The following GRM8 variants were observed in gnomAD, a reference collection of about 807,000 sequenced individuals.
The protein encoded by GRM8 is glutamate metabotropic receptor 8.
In GRM8, 47 loss-of-function variants were observed where a neutral mutation model predicts 87.2. That is an observed-to-expected ratio of 0.54 (90% CI 0.43 to 0.69). The LOEUF is 0.69. Ranked by LOEUF, GRM8 falls within the 30% of genes least tolerant of loss-of-function variation. GRM8 has a pLI of 0.00. For synonymous variants in GRM8, 396 were observed against 404.5 expected (o/e 0.98, Z 0.25); for missense variants, 1,019 against 1,139.2 (o/e 0.89, Z 1.52).
At chr7:126,859,999 C>G (rs536879797) in intron 6 of GRM8, among the ~76,000 whole-genome samples, 3,604 of 83,370 alleles carry the variant, frequency 0.043, 152 homozygotes, top group African/African-American at 0.2. Context: ...ATTTAATTCT[C>G]ATATTTATTT....
At chr7:126,752,967 T>C (rs1351911133) in intron 7 of GRM8, among the ~76,000 whole-genome samples, 2 of 152,042 alleles carry the variant, frequency 1.3e-5, no homozygotes, top group East Asian at 1.9e-4. Context: ...AGGACAGGGA[T>C]TGTGGTTTGC....
At chr7:127,176,463 G>A (rs140785571) in intron 2 of GRM8, among the ~76,000 whole-genome samples, 21 of 152,092 alleles carry the variant, frequency 1.4e-4, no homozygotes, top group African/African-American at 4.1e-4. Flanking sequence ...ACTCAAGTGG[G>A]ATCATCATGG....
At chr7:126,782,816 C>A (rs1820224467) in intron 6 of GRM8, among the ~76,000 whole-genome samples, 1 of 152,164 alleles carries the variant, frequency 6.6e-6, no homozygotes, top group South Asian at 2.1e-4. Flanking sequence ...CTGTACAATG[C>A]AGTCAATCCT....
At chr7:127,163,192 G>A (rs1296088100) in intron 2 of GRM8, among the ~76,000 whole-genome samples, 1 of 152,182 alleles carries the variant, frequency 6.6e-6, no homozygotes, top group Non-Finnish European at 1.5e-5. Context: ...TGTACAGGGA[G>A]CATAGACCTG....
intron 9 of GRM8, among the ~76,000 whole-genome samples, chr7:126,459,859 C>T (rs1738090746): frequency 6.6e-6 from 1 of 151,442 alleles, no homozygotes; most frequent in Non-Finnish European, 1.5e-5. Context: ...CCAACTCAGC[C>T]TCAAAGACTC....
At chr7:127,200,732 T>A (rs6956914) in intron 2 of GRM8, among the ~76,000 whole-genome samples, 1 of 152,154 alleles carries the variant, frequency 6.6e-6, no homozygotes, top group African/African-American at 2.4e-5. Context: ...TGTGTGTGTG[T>A]TTTCTCTTCT....
At chr7:126,499,605 A>T (rs1477446455) in intron 9 of GRM8, among the ~76,000 whole-genome samples, 1 of 143,926 alleles carries the variant, frequency 6.9e-6, no homozygotes, top group Non-Finnish European at 1.6e-5. Flanking sequence ...TTCGGCCTTT[A>T]AAAAAAAGGG....
At chr7:126,715,628 CA>C (rs900661230) in intron 7 of GRM8, among the ~76,000 whole-genome samples, 1 of 152,044 alleles carries the variant, frequency 6.6e-6, no homozygotes, top group African/African-American at 2.4e-5. Flanking sequence ...CACAAATCTC[CA>C]AAAAAATTTC....
intron 8 of GRM8, among the ~76,000 whole-genome samples, chr7:126,587,954 T>C (rs1304165955): frequency 6.6e-6 from 1 of 150,470 alleles, no homozygotes; most frequent in Non-Finnish European, 1.5e-5. Flanking sequence ...AAGTTTAAAG[T>C]ATGTTCTTAG....
At chr7:126,828,074 G>T (rs1292875471) in intron 6 of GRM8, among the ~76,000 whole-genome samples, 1 of 152,238 alleles carries the variant, frequency 6.6e-6, no homozygotes, top group African/African-American at 2.4e-5. Flanking sequence ...ACTTGATCAT[G>T]GTGGATAAGC....
intron 7 of GRM8, among the ~76,000 whole-genome samples, chr7:126,673,508 A>ATCCT (rs1312446540): frequency 1.3e-5 from 2 of 152,190 alleles, no homozygotes; most frequent in Non-Finnish European, 2.9e-5. Context: ...GAGAAAGAGG[A>ATCCT]AACATGCAAA....
At chr7:126,680,908 C>T (rs1807489120) in intron 7 of GRM8, among the ~76,000 whole-genome samples, 1 of 152,188 alleles carries the variant, frequency 6.6e-6, no homozygotes. Flanking sequence ...TTGTTAGTTG[C>T]TGTTCACACA....
intron 2 of GRM8, among the ~76,000 whole-genome samples, chr7:127,134,134 A>G (rs1414820106): frequency 6.6e-6 from 1 of 152,204 alleles, no homozygotes; most frequent in Non-Finnish European, 1.5e-5. Context: ...CTAGTACATA[A>G]AAGTACTGAC....
chr7:126,504,492 AT>A (rs1810136739), intron 9 of GRM8, among the ~76,000 whole-genome samples: 1 of 151,828 alleles, frequency 6.6e-6, no homozygotes, highest in Non-Finnish European at 1.5e-5. Context: ...ATGACTTTTA[AT>A]TTTTTATGTA....
At chr7:126,838,150 T>TA (rs1795964567) in intron 6 of GRM8, among the ~76,000 whole-genome samples, 1 of 152,256 alleles carries the variant, frequency 6.6e-6, no homozygotes, top group Admixed American at 6.5e-5. Flanking sequence ...CATGAACTGC[T>TA]AGAGTATTTT....
intron 2 of GRM8, among the ~76,000 whole-genome samples, chr7:127,141,663 A>G (rs940764384): frequency 1.3e-5 from 2 of 152,160 alleles, no homozygotes; most frequent in Non-Finnish European, 2.9e-5. Context: ...AGGTACAGAT[A>G]CCTCAAAAAT....
intron 3 of GRM8, among the ~76,000 whole-genome samples, chr7:126,950,920 C>CT (rs35875691): frequency 0.014 from 2,119 of 147,396 alleles, 34 homozygotes; most frequent in Admixed American, 0.032. Context: ...TTGTCCAAGT[C>CT]TTTTTTTTTT....
At chr7:126,631,497 A>G (rs1333897712) in intron 7 of GRM8, among the ~76,000 whole-genome samples, 3 of 152,282 alleles carry the variant, frequency 2.0e-5, no homozygotes, top group East Asian at 3.9e-4. Flanking sequence ...CCATTAAACT[A>G]CCAATGATAT....
At chr7:127,076,384 C>A in intron 3 of GRM8, 1 of 331,608 alleles carries the variant, frequency 3.0e-6, no homozygotes, top group Non-Finnish European at 5.9e-6. Context: ...GGTCAGTTTT[C>A]ATTCATCATT....
Sources: allele counts gnomAD v4.1 joint callset (sites outside exome capture counted in the v4.1 genomes callset), GRCh38; gene constraint gnomAD v4.1.1; transcripts MANE v1.5; gene names NCBI Gene and HGNC (gene_info 2026-07-23, HGNC 2026-07-21).